The following SEMA6D variants were observed in gnomAD, a reference collection of about 807,000 sequenced individuals.
SEMA6D encodes semaphorin 6D.
In SEMA6D, 35 loss-of-function variants were observed where a neutral mutation model predicts 106.6. That is an observed-to-expected ratio of 0.33 (90% CI 0.25 to 0.44). The LOEUF is 0.44. SEMA6D is among the 20% of genes least tolerant of loss of function. The pLI is 1.00. For missense variants in SEMA6D, 1,185 were observed against 1,345.9 expected (o/e 0.88, Z 1.87); for synonymous variants, 499 against 487.7 (o/e 1.02, Z -0.31).
chr15:47,580,885 C>T (rs1053435092), intron 3 of SEMA6D, among the ~76,000 whole-genome samples: 1 of 152,108 alleles, frequency 6.6e-6, no homozygotes, highest in African/African-American at 2.4e-5. Context: ...ATGAGTTGTC[C>T]ATGAGAAACA....
chr15:47,683,419 T>C (rs2078401346), intron 4 of SEMA6D, among the ~76,000 whole-genome samples: 2 of 152,240 alleles, frequency 1.3e-5, no homozygotes. Flanking sequence ...CACATATTTT[T>C]ATGTCAAGAT....
chr15:47,435,942 A>G (rs2140653314), intron 2 of SEMA6D, among the ~76,000 whole-genome samples: 1 of 152,160 alleles, frequency 6.6e-6, no homozygotes, highest in Non-Finnish European at 1.5e-5. Flanking sequence ...CTGTGAAGGG[A>G]AGTGTCACTT....
chr15:47,542,199 T>C (rs2045376477), intron 3 of SEMA6D, among the ~76,000 whole-genome samples: 1 of 152,182 alleles, frequency 6.6e-6, no homozygotes, highest in Admixed American at 6.5e-5. Flanking sequence ...CACTATAATG[T>C]TCAAGAAATA....
intron 4 of SEMA6D, among the ~76,000 whole-genome samples, chr15:47,708,889 C>G (rs893742365): frequency 6.6e-6 from 1 of 152,206 alleles, no homozygotes; most frequent in Non-Finnish European, 1.5e-5. Context: ...TTCCCAGTTG[C>G]AGCTTTCTCA....
intron 1 of SEMA6D, among the ~76,000 whole-genome samples, chr15:47,243,224 T>C (rs1465731700): frequency 6.6e-6 from 1 of 152,078 alleles, no homozygotes; most frequent in Admixed American, 6.6e-5. Flanking sequence ...CAGTAAAACC[T>C]AGACTAGGAA....
chr15:47,716,695 A>C (rs567955702), upstream of SEMA6D, among the ~76,000 whole-genome samples: 1 of 151,964 alleles, frequency 6.6e-6, no homozygotes, highest in Non-Finnish European at 1.5e-5. Flanking sequence ...GTGACAGTCA[A>C]TTTTAAATGA....
chr15:47,569,832 G>T (rs567216186), intron 3 of SEMA6D, among the ~76,000 whole-genome samples: 3 of 152,054 alleles, frequency 2.0e-5, no homozygotes, highest in Admixed American at 6.5e-5. Flanking sequence ...AGAACAAGGC[G>T]GGTGGATCAC....
At chr15:47,677,006 C>T (rs980859344) in intron 4 of SEMA6D, among the ~76,000 whole-genome samples, 1 of 152,070 alleles carries the variant, frequency 6.6e-6, no homozygotes, top group African/African-American at 2.4e-5. Context: ...AAGGAGAGTA[C>T]AACCTAGATC....
intron 3 of SEMA6D, among the ~76,000 whole-genome samples, chr15:47,503,239 A>T (rs150296753): frequency 6.6e-6 from 1 of 152,308 alleles, no homozygotes; most frequent in East Asian, 1.9e-4. Context: ...TTAAGAAAAA[A>T]AATAGCTTTC....
intron 1 of SEMA6D, among the ~76,000 whole-genome samples, chr15:47,270,181 T>G (rs909829604): frequency 6.7e-6 from 1 of 148,428 alleles, no homozygotes; most frequent in Non-Finnish European, 1.5e-5. Context: ...ATTATAGTTA[T>G]ATTTTATTAT....
intron 1 of SEMA6D, among the ~76,000 whole-genome samples, chr15:47,742,495 T>C (rs576511422): frequency 1.3e-5 from 2 of 152,246 alleles, no homozygotes; most frequent in South Asian, 2.1e-4. Context: ...AAGCAGAAGG[T>C]ATAACCGACC....
intron 1 of SEMA6D, chr15:47,241,474 G>C (rs2032904156): frequency 6.6e-6 from 1 of 152,288 alleles, no homozygotes; most frequent in East Asian, 1.9e-4. Context: ...GATTTTGTTT[G>C]CCTGGAGCCA....
intron 1 of SEMA6D, among the ~76,000 whole-genome samples, chr15:47,217,737 C>T: frequency 6.6e-6 from 1 of 151,602 alleles, no homozygotes; most frequent in African/African-American, 2.4e-5. Context: ...TTCTGGATTT[C>T]ACTTAATTAA....
intron 1 of SEMA6D, among the ~76,000 whole-genome samples, chr15:47,265,650 T>G (rs552314880): frequency 6.6e-6 from 1 of 152,200 alleles, no homozygotes; most frequent in South Asian, 2.1e-4. Context: ...TTTCAATGTA[T>G]AAATTATAGT....
chr15:47,426,427 AG>A lies in SEMA6D; in HGVS notation c.-159+13956del, dbSNP rs776509130. ...GCAAAACAGAATAGTTTTGATCATC[AG>A]TACCCTGCAGGCAAGTATTAGGATT... is the stretch of plus-strand genomic sequence containing the variant. On this transcript the variant is annotated intron_variant, in intron 2 of 19. Coordinates refer to the SEMA6D transcript ENST00000558014. Among the ~76,000 whole-genome samples the A allele has an allele frequency of 5.3e-5, 8 of 152,278 alleles. No individual in the cohort carries two copies. In the East Asian group the frequency reaches 1.2e-3, roughly 22 times the overall value.
intron 4 of SEMA6D, chr15:47,603,942 T>G (rs948472663): frequency 6.6e-6 from 1 of 152,214 alleles, no homozygotes; most frequent in African/African-American, 2.4e-5. Flanking sequence ...GAGTGATGTG[T>G]CGAGGCATTG....
At chr15:47,478,015 C>T (rs1415928883) in intron 3 of SEMA6D, among the ~76,000 whole-genome samples, 1 of 152,154 alleles carries the variant, frequency 6.6e-6, no homozygotes. Flanking sequence ...CTCATAATAT[C>T]ACGCAGCAAT....
At chr15:47,296,168 AC>A (rs2035794807) in intron 1 of SEMA6D, among the ~76,000 whole-genome samples, 1 of 152,092 alleles carries the variant, frequency 6.6e-6, no homozygotes. Flanking sequence ...CATTTTCTTT[AC>A]CTGGTTGTTT....
chr15:47,762,350 C>G (rs561033549), intron 8 of SEMA6D, 31 bp downstream of exon 8: 1 of 1,609,504 alleles, frequency 6.2e-7, no homozygotes, highest in Non-Finnish European at 8.5e-7. Context: ...CGTGGGGTCA[C>G]CAGGATAGTG....
Sources: gnomAD v4.1 joint callset for allele counts (sites outside exome capture counted in the v4.1 genomes callset) on GRCh38, gnomAD v4.1.1 for gene constraint, MANE v1.5 for transcripts, NCBI Gene and HGNC (gene_info 2026-07-23, HGNC 2026-07-21) for gene names.